Variants in LPP observed in about 807,000 individuals in gnomAD.
LPP encodes LIM domain containing preferred translocation partner in lipoma, also known as lipoma-preferred partner.
In LPP, 38 loss-of-function variants were observed where a neutral mutation model predicts 60.4. The ratio of observed to expected loss-of-function variants is 0.63; its 90% CI spans 0.49 to 0.83. LPP has a LOEUF of 0.83. LPP is among the 40% of genes least tolerant of loss of function. The probability of loss-of-function intolerance (pLI) is 0.00; values close to 1 mark genes in which losing one functional copy is unlikely to be tolerated. For missense variants in LPP, 902 were observed against 783.6 expected (o/e 1.15, Z -1.80); for synonymous variants, 328 against 290.8 (o/e 1.13, Z -1.30).
intron 7 of LPP, among the ~76,000 whole-genome samples, chr3:188,664,617 CTG>C (rs750223155): frequency 3.8e-4 from 56 of 146,772 alleles, no homozygotes; most frequent in East Asian, 1.4e-3. Flanking sequence ...GTGTGTGTGT[CTG>C]TGTGTGTGTG....
At chr3:188,786,341 C>T (rs1052008283) in intron 9 of LPP, among the ~76,000 whole-genome samples, 2 of 142,294 alleles carry the variant, frequency 1.4e-5, no homozygotes, top group African/African-American at 5.4e-5. Flanking sequence ...CAAGAGCATG[C>T]CACTGCACTC....
At chr3:188,564,125 G>A (rs960956804) in intron 6 of LPP, among the ~76,000 whole-genome samples, 44 of 151,932 alleles carry the variant, frequency 2.9e-4, no homozygotes, top group African/African-American at 1.0e-3. Flanking sequence ...TTTTTGTTAA[G>A]AAACAAGTGT....
In LPP at chr3:188,874,565, C is replaced by T. The variant is rs555709117; in HGVS notation, c.*86C>T. The T allele has an allele frequency of 6.0e-5, 86 of 1,429,766 alleles. No individual in the cohort carries two copies. Among genetic ancestry groups the T allele is most frequent in the Admixed American group, 4.5e-4 (23 of 51,400 alleles). 88.6% of individuals were successfully genotyped at this position (1,429,766 alleles called of 1,614,324 possible). On this transcript the variant is annotated 3_prime_UTR_variant, in exon 12 of 12. Transcript: ENST00000617246. ...CTAGAGTAAAGGCCATCAAACTACG[C>T]GATAGTCTCTGTTCTTCATCTGCTA...
At chr3:188,185,512 C>T (rs541287720) in intron 1 of LPP, among the ~76,000 whole-genome samples, 2 of 152,076 alleles carry the variant, frequency 1.3e-5, no homozygotes, top group South Asian at 4.2e-4. Context: ...CCCTATATAC[C>T]CCACAGTTCA....
chr3:188,524,755 T>C lies in LPP; in HGVS notation c.397T>C (p.Cys133Arg). The C allele has an allele frequency of 6.2e-7, 1 of 1,614,020 alleles. No homozygotes were observed. The highest frequency in any genetic ancestry group is 1.6e-4 in the Middle Eastern group (1 of 6,062). Residue 133 changes from cysteine (C) to arginine (R), a missense_variant, in exon 6 of 12, where the codon TGC (cysteine) becomes CGC (arginine). Physicochemically the swap from Cys to Arg is radical, Grantham distance 180. Transcript: ENST00000617246. ...SLTSILADLECSSPYKPRPPQ... is the reference protein window; with the variant it reads ...SLTSILADLERSSPYKPRPPQ... ...GACCAGCATCTTGGCTGACCTTGAG[T>C]GCAGCTCCCCCTATAAGCCTCGGCC... is the stretch of plus-strand genomic sequence containing the variant.
intron 5 of LPP, among the ~76,000 whole-genome samples, chr3:188,497,009 C>CT (rs1297804033): frequency 1.0e-5 from 1 of 99,782 alleles, no homozygotes; most frequent in Non-Finnish European, 1.8e-5. Flanking sequence ...GTTTCTGTGG[C>CT]ATTTTTTTTT....
intron 4 of LPP, among the ~76,000 whole-genome samples, chr3:188,458,941 ACT>A (rs907753584): frequency 2.2e-4 from 33 of 151,012 alleles, no homozygotes; most frequent in African/African-American, 7.6e-4. Flanking sequence ...AAGGGTTTAA[ACT>A]CTATGTGGCT....
At chr3:188,326,678 T>G (rs1468194385) in intron 2 of LPP, among the ~76,000 whole-genome samples, 1 of 152,206 alleles carries the variant, frequency 6.6e-6, no homozygotes, top group Non-Finnish European at 1.5e-5. Context: ...AAAATGAAAC[T>G]GGGCCTTACT....
rs1770050374 is a variant in LPP at position 188,881,729 on chromosome 3, T to C, written c.*7250T>C. 4.4e-6 allele frequency: 1 copy of C among 226,006 alleles called. No individual in the cohort carries two copies. Among genetic ancestry groups the C allele is most frequent in the African/African-American group, 2.2e-5 (1 of 45,000 alleles). The allele number at this position is 226,006 out of a possible 1,614,324, so 14.0% of individuals were successfully genotyped here. The stretch of plus-strand genomic sequence containing the variant: ...AGATTCCCACTTCTGGGTCAGTTCA[T>C]ATTCCATTCAACCTTTTCCTTTTAT... On this transcript the variant is annotated 3_prime_UTR_variant, in exon 12 of 12. Coordinates refer to ENST00000617246, the MANE Select transcript of LPP (RefSeq NM_001375462.1).
chr3:188,770,557 T>C (rs1341470284), intron 9 of LPP, among the ~76,000 whole-genome samples: 1 of 152,066 alleles, frequency 6.6e-6, no homozygotes, highest in Non-Finnish European at 1.5e-5. Flanking sequence ...TAGTACGGTC[T>C]CCTAAACTAC....
intron 2 of LPP, among the ~76,000 whole-genome samples, chr3:188,323,087 T>TA (rs1352067106): frequency 6.6e-6 from 1 of 152,174 alleles, no homozygotes; most frequent in African/African-American, 2.4e-5. Context: ...AAGCTTGGAC[T>TA]AAAAGCGCTT....
chr3:188,492,645 G>C (rs958449185), intron 5 of LPP, among the ~76,000 whole-genome samples: 3 of 152,098 alleles, frequency 2.0e-5, no homozygotes, highest in African/African-American at 7.2e-5. Flanking sequence ...GCAGTGAGCC[G>C]AGATTGCACC....
At chr3:188,523,516 T>C (rs1436884148) in intron 5 of LPP, among the ~76,000 whole-genome samples, 1 of 152,232 alleles carries the variant, frequency 6.6e-6, no homozygotes, top group Non-Finnish European at 1.5e-5. Flanking sequence ...CCTTTACGCT[T>C]GCTTCAACAT....
rs146177301 is a variant in LPP, at chr3:188,165,840, A to T, written c.-190+11588A>T. Reference sequence around the variant, plus strand: ...ATAAGGGGAGACTCAGCACCTAAGAAAATTACACGTGCAAAGTTCACAGCC... The same window carrying T: ...ATAAGGGGAGACTCAGCACCTAAGATAATTACACGTGCAAAGTTCACAGCC... On this transcript the variant is annotated intron_variant, in intron 1 of 11. Coordinates refer to ENST00000617246, the MANE Select transcript of LPP (RefSeq NM_001375462.1). Among the ~76,000 whole-genome samples, 153 of 152,312 alleles carry T rather than the reference A, an allele frequency of 1.0e-3. 1 individual carries two copies. Among genetic ancestry groups the T allele is most frequent in the Middle Eastern group, 3.4e-3 (1 of 294 alleles).
chr3:188,852,941 G>A (rs1156315250), intron 9 of LPP, among the ~76,000 whole-genome samples: 5 of 151,950 alleles, frequency 3.3e-5, no homozygotes, highest in African/African-American at 7.3e-5. Context: ...TCAGCAGTTC[G>A]ATACCAGCCT....
rs552521843 is a variant in LPP, at chr3:188,875,616, A to G, written c.*1137A>G. 4 of 205,938 alleles carry G rather than the reference A, an allele frequency of 1.9e-5. No homozygotes were observed. The highest frequency in any genetic ancestry group is 6.8e-5 in the African/African-American group (3 of 43,900). The allele number at this position is 205,938 out of a possible 1,614,324, so 12.8% of individuals were successfully genotyped here. ...CTGAAACCACAGTTTCATTATTCTCATAATCCTTCTGCAACTGAAATTACA... is the reference window on the plus strand; with the variant it reads ...CTGAAACCACAGTTTCATTATTCTCGTAATCCTTCTGCAACTGAAATTACA... On this transcript the variant is annotated 3_prime_UTR_variant, in exon 12 of 12. Transcript: ENST00000617246.
chr3:188,808,387 G>A (rs1217500410), intron 9 of LPP, among the ~76,000 whole-genome samples: 26 of 152,152 alleles, frequency 1.7e-4, no homozygotes, highest in Admixed American at 1.7e-3. Flanking sequence ...GAGAGGCAGT[G>A]TGGCTGTGAG....
intron 6 of LPP, among the ~76,000 whole-genome samples, chr3:188,596,722 A>T (rs955007030): frequency 2.6e-5 from 4 of 152,172 alleles, no homozygotes; most frequent in Admixed American, 2.0e-4. Flanking sequence ...AGGTCTTAGA[A>T]AATTTTGCTC....
At chr3:188,250,784 T>TTCTTTCTGTCTG (rs1553835749) in intron 2 of LPP, among the ~76,000 whole-genome samples, 9 of 116,848 alleles carry the variant, frequency 7.7e-5, no homozygotes, top group South Asian at 3.0e-4. Flanking sequence ...CTTTCTTTCT[T>TTCTTTCTGTCTG]TCTGTCTTTC....
Sources: gnomAD v4.1 joint callset for allele counts (sites outside exome capture counted in the v4.1 genomes callset) on GRCh38, gnomAD v4.1.1 for gene constraint, MANE v1.5 for transcripts, NCBI Gene and HGNC (gene_info 2026-07-23, HGNC 2026-07-21) for gene names.